The following MLXIP variants were observed in gnomAD, a reference collection of about 807,000 sequenced individuals.
The protein encoded by MLXIP is MLX interacting protein, also known as MLX-interacting protein.
A neutral mutation model predicts 87.2 loss-of-function variants in MLXIP; 30 were observed. The ratio of observed to expected loss-of-function variants is 0.34; its 90% CI spans 0.26 to 0.47. MLXIP has a LOEUF of 0.47. Ranked by LOEUF, MLXIP falls within the 20% of genes least tolerant of loss-of-function variation. The probability of loss-of-function intolerance (pLI) is 1.00; values close to 1 mark genes in which losing one functional copy is unlikely to be tolerated. For missense variants in MLXIP, 1,002 were observed against 1,240.1 expected (o/e 0.81, Z 2.88); for synonymous variants, 530 against 514.0 (o/e 1.03, Z -0.42).
intron 1 of MLXIP, among the ~76,000 whole-genome samples, chr12:122,116,263 A>G (rs1051583551): frequency 3.4e-5 from 5 of 148,620 alleles, no homozygotes; most frequent in African/African-American, 5.0e-5. Context: ...CTGAGAGTCT[A>G]TAATTACTTC....
chr12:122,101,332 C>CT (rs1258754361), intron 1 of MLXIP, among the ~76,000 whole-genome samples: 2 of 150,374 alleles, frequency 1.3e-5, no homozygotes, highest in African/African-American at 4.9e-5. Context: ...TGTCACTTTG[C>CT]TTTTTTTTCT....
chr12:122,136,459 CAAAAAAAAAAAA>C (rs1224302321), intron 11 of MLXIP: 2 of 28,176 alleles, frequency 7.1e-5, no homozygotes, highest in East Asian at 9.5e-4. Context: ...TCAAAAAATG[CAAAAAAAAAAAA>C]AAAAAAAAAA....
In MLXIP at chr12:122,135,782, C is replaced by G; in HGVS notation, c.2032+116C>G. 8.0e-7 allele frequency: 1 copy of G among 1,245,860 alleles called. No individual in the cohort carries two copies. Among genetic ancestry groups the G allele is most frequent in the South Asian group, 1.6e-5 (1 of 62,204 alleles). The allele number at this position is 1,245,860 out of a possible 1,614,324, so 77.2% of individuals were successfully genotyped here. On this transcript the variant is annotated intron_variant, in intron 11 of 16. Transcript: ENST00000319080. This position sits in a 1 kb window ranked among gnomAD's most constrained non-coding sequence, Gnocchi z 5.3. ...GGACGGAGCCTGGGCTTAGGACACA[C>G]AGTGAGGTCTTGTAGGCCTGCTGAT...
intron 1 of MLXIP, among the ~76,000 whole-genome samples, chr12:122,123,748 G>A (rs907136101): frequency 6.6e-6 from 1 of 152,122 alleles, no homozygotes; most frequent in African/African-American, 2.4e-5. Context: ...CACTTAGGCT[G>A]GAGTGCATTG....
chr12:122,103,072 C>T (rs1254320932), intron 1 of MLXIP, among the ~76,000 whole-genome samples: 2 of 152,114 alleles, frequency 1.3e-5, no homozygotes, highest in Admixed American at 6.6e-5. Context: ...GGCATGATCA[C>T]GGCTCTCTGC....
chr12:122,108,367 CAAAAAAAAAA>C (rs61424369), intron 1 of MLXIP, among the ~76,000 whole-genome samples: 1 of 80,546 alleles, frequency 1.2e-5, no homozygotes, highest in Non-Finnish European at 2.4e-5. Flanking sequence ...GACTCCATCT[CAAAAAAAAAA>C]AAAAAAAAAA....
chr12:122,102,964 T>C (rs778150042), intron 1 of MLXIP, among the ~76,000 whole-genome samples: 7 of 152,246 alleles, frequency 4.6e-5, no homozygotes, highest in African/African-American at 1.2e-4. Context: ...AAAGTTGTGA[T>C]GGCAGTTGCA....
intron 1 of MLXIP, among the ~76,000 whole-genome samples, chr12:122,095,629 A>G (rs918923804): frequency 2.6e-4 from 40 of 151,686 alleles, no homozygotes; most frequent in African/African-American, 8.2e-4. Context: ...TTATTTCTCT[A>G]TGTTCATAGT....
rs1291985405 is a variant in MLXIP, at chr12:122,142,045, C to A, written c.*233C>A. On this transcript the variant is annotated 3_prime_UTR_variant, in exon 17 of 17. Coordinates refer to ENST00000319080, the MANE Select transcript of MLXIP (RefSeq NM_014938.6). ...TGCTGTGAACTCTCTCACTCAGTGA[C>A]CTCAGTCACCAACCTCCTCTGCCCT... 3.0e-6 allele frequency: 2 copies of A among 675,806 alleles called. No homozygotes were observed. The highest frequency in any genetic ancestry group is 1.7e-5 in the South Asian group (1 of 58,270). The allele number at this position is 675,806 out of a possible 1,614,324, so 41.9% of individuals were successfully genotyped here.
chr12:122,134,100 C>A, intron 9 of MLXIP, 113 bp downstream of exon 9: 1 of 1,229,002 alleles, frequency 8.1e-7, no homozygotes, highest in Non-Finnish European at 1.1e-6. Context: ...TGTGCACGTG[C>A]ATGCGCACAC....
Position 122,135,080 on chromosome 12 carries a change from T to C in MLXIP, c.1733-144T>C. Reference sequence around the variant, plus strand: ...TGTCTCCTTCAAGAAGTCACACAAATGGTTTTAGGTGCCTTGGTGGCTTTG... The same window carrying C: ...TGTCTCCTTCAAGAAGTCACACAAACGGTTTTAGGTGCCTTGGTGGCTTTG... On this transcript the variant is annotated intron_variant, in intron 9 of 16. Coordinates refer to ENST00000319080, the MANE Select transcript of MLXIP (RefSeq NM_014938.6). This position sits in a 1 kb window ranked among gnomAD's most constrained non-coding sequence, Gnocchi z 5.3. The C allele has an allele frequency of 1.1e-6, 1 of 937,806 alleles. No individual in the cohort carries two copies. Among genetic ancestry groups the C allele is most frequent in the South Asian group, 1.4e-5 (1 of 70,662 alleles). The allele number at this position is 937,806 out of a possible 1,614,324, so 58.1% of individuals were successfully genotyped here.
At chr12:122,128,354 C>T (rs1484412582) in intron 3 of MLXIP, 1 of 186,262 alleles carries the variant, frequency 5.4e-6, no homozygotes, top group African/African-American at 2.4e-5. Flanking sequence ...ATGCTTTCTT[C>T]ACTGCATACT....
intron 1 of MLXIP, among the ~76,000 whole-genome samples, chr12:122,102,781 T>C (rs953147582): frequency 1.3e-5 from 2 of 152,226 alleles, no homozygotes; most frequent in Non-Finnish European, 2.9e-5. Flanking sequence ...CTTGAAAACA[T>C]GACACAGAGT....
At position 122,133,225 on chromosome 12, in the gene MLXIP, G is replaced by T. The variant is rs1006398755; in HGVS notation, c.1093-123G>T. On this transcript the variant is annotated intron_variant, in intron 8 of 16. Coordinates refer to ENST00000319080, the MANE Select transcript of MLXIP (RefSeq NM_014938.6). This position sits in a 1 kb window ranked among gnomAD's most constrained non-coding sequence, Gnocchi z 4.9. The stretch of plus-strand genomic sequence containing the variant: ...TCAGATCAGCAGCCATGGACGTGGA[G>T]ACGTGGCCTTTGTCCCTCTGTCCCA... 2 of 1,081,956 alleles carry T rather than the reference G, an allele frequency of 1.8e-6. No individual in the cohort carries two copies. The highest frequency in any genetic ancestry group is 2.6e-6 in the Non-Finnish European group (2 of 765,288). The allele number at this position is 1,081,956 out of a possible 1,614,324, so 67.0% of individuals were successfully genotyped here. A position where few individuals can be genotyped will look rare whatever the true frequency, so the allele number is the denominator to read the frequency against.
At chr12:122,130,216 A>G in intron 6 of MLXIP, 104 bp downstream of exon 6, 5 of 1,207,776 alleles carry the variant, frequency 4.1e-6, no homozygotes, top group Middle Eastern at 2.8e-4. Context: ...GAGCTGCTGC[A>G]CGTCACGGTT....
At chr12:122,081,312 C>T (rs1023380406) in intron 1 of MLXIP, among the ~76,000 whole-genome samples, 1 of 152,210 alleles carries the variant, frequency 6.6e-6, no homozygotes, top group African/African-American at 2.4e-5. Flanking sequence ...AGTCATTTCT[C>T]ATGAAGATGC....
rs998431509 is a variant in MLXIP at position 122,142,335 on chromosome 12, T to G, written c.*523T>G. 19 of 618,772 alleles carry G rather than the reference T, an allele frequency of 3.1e-5. No individual in the cohort carries two copies. The Middle Eastern group carries it at 7.5e-4, about 24-fold the overall frequency. 38.3% of individuals were successfully genotyped at this position (618,772 alleles called of 1,614,324 possible). ...CTCAACTCTGACAGCACCCAGCCCTTGTGGATGGACTTGGGCTTCTATTCA... is the reference window on the plus strand; with the variant it reads ...CTCAACTCTGACAGCACCCAGCCCTGGTGGATGGACTTGGGCTTCTATTCA... On this transcript the variant is annotated 3_prime_UTR_variant, in exon 17 of 17. Transcript: ENST00000319080.
At chr12:122,113,621 AT>A (rs1392378053) in intron 1 of MLXIP, among the ~76,000 whole-genome samples, 1 of 149,268 alleles carries the variant, frequency 6.7e-6, no homozygotes, top group African/African-American at 2.5e-5. Flanking sequence ...ATGAATATGT[AT>A]TGCCAAGACT....
At chr12:122,112,954 A>G (rs1197707900) in intron 1 of MLXIP, among the ~76,000 whole-genome samples, 1 of 138,362 alleles carries the variant, frequency 7.2e-6, no homozygotes, top group Non-Finnish European at 1.6e-5. Flanking sequence ...GTTAAGTACG[A>G]CACAAAAAAC....
Sources: gnomAD v4.1 joint callset for allele counts (sites outside exome capture counted in the v4.1 genomes callset) on GRCh38, gnomAD v4.1.1 for gene constraint, Gnocchi (gnomAD v3.1) non-coding constraint, MANE v1.5 for transcripts, NCBI Gene and HGNC (gene_info 2026-07-23, HGNC 2026-07-21) for gene names.